The following AZIN2 variants were observed in gnomAD, a reference collection of about 807,000 sequenced individuals.
The protein encoded by AZIN2 is antizyme inhibitor 2, also known as ODC antizyme inhibitor-2.
Under a neutral mutation model 47.8 loss-of-function variants are expected in AZIN2, and 28 were observed. The ratio of observed to expected loss-of-function variants is 0.59; its 90% CI spans 0.43 to 0.80. The LOEUF is 0.80. Among genes scored for constraint, AZIN2 ranks in the 30% least tolerant of loss-of-function variants. The probability of loss-of-function intolerance (pLI) is 0.00; values close to 1 mark genes in which losing one functional copy is unlikely to be tolerated. For synonymous variants in AZIN2, 221 were observed against 239.4 expected (o/e 0.92, Z 0.71); for missense variants, 535 against 582.5 (o/e 0.92, Z 0.84).
At chr1:33,117,818 A>G in intron 10 of AZIN2, 84 bp from the exon 11 acceptor site, 1 of 1,439,570 alleles carries the variant, frequency 6.9e-7, no homozygotes, top group South Asian at 1.1e-5. Flanking sequence ...TGGCTATGGG[A>G]GCCATAGAAG....
chr1:33,112,359 T>C (rs960207505), intron 10 of AZIN2, among the ~76,000 whole-genome samples: 6 of 152,224 alleles, frequency 3.9e-5, no homozygotes, highest in African/African-American at 9.6e-5. Flanking sequence ...ATGACCTTAA[T>C]GTTTATTGGC....
chr1:33,143,695 T>G, the AZIN2 span, among the ~76,000 whole-genome samples: 1 of 152,174 alleles, frequency 6.6e-6, no homozygotes, highest in East Asian at 1.9e-4. Flanking sequence ...ACCTCCCTCA[T>G]TCTGTGGGTG....
At chr1:33,105,106 ATAC>A (rs1309559742) in intron 10 of AZIN2, among the ~76,000 whole-genome samples, 1 of 152,228 alleles carries the variant, frequency 6.6e-6, no homozygotes, top group East Asian at 1.9e-4. Context: ...TTTTGTTAAT[ATAC>A]TTCTAAAATA....
intron 10 of AZIN2, among the ~76,000 whole-genome samples, chr1:33,110,887 G>C (rs573243734): frequency 1.6e-3 from 248 of 152,320 alleles, no homozygotes; most frequent in Non-Finnish European, 2.7e-3. Context: ...GGTAAAATCA[G>C]CTACCACCCC....
rs181937524 is a variant in AZIN2 at position 33,104,603 on chromosome 1, T to G, written c.1029+6424T>G. On this transcript the variant is annotated intron_variant, in intron 10 of 11. Coordinates refer to ENST00000294517, the MANE Select transcript of AZIN2 (RefSeq NM_052998.4). ...TTTATTAGAAAAAATTTAACACAAA[T>G]AGTAAAATAAAATGATTCACTAATC... Among the ~76,000 whole-genome samples, 1,098 of 152,272 alleles carry G rather than the reference T, an allele frequency of 7.2e-3. 6 individuals are homozygous for G. The highest frequency in any genetic ancestry group is 0.034 in the Middle Eastern group (10 of 294).
Position 33,120,246 on chromosome 1 carries a change from G to A in AZIN2, c.*64G>A. The A allele has an allele frequency of 6.5e-7, 1 of 1,540,196 alleles. No homozygotes were observed. Among genetic ancestry groups the A allele is most frequent in the Non-Finnish European group, 8.8e-7 (1 of 1,139,370 alleles). Reference sequence around the variant, plus strand: ...CAGAGATGCATCTGGGAGAGGTGGGGAAGATGGCAGGCAAGGGTACCCTTG... The same window carrying A: ...CAGAGATGCATCTGGGAGAGGTGGGAAAGATGGCAGGCAAGGGTACCCTTG... On this transcript the variant is annotated 3_prime_UTR_variant, in exon 12 of 12. Coordinates refer to ENST00000294517, the MANE Select transcript of AZIN2 (RefSeq NM_052998.4).
chr1:33,159,816 G>C, the AZIN2 span: 18 of 1,613,744 alleles, frequency 1.1e-5, no homozygotes, highest in Non-Finnish European at 1.5e-5. This position sits in a 1 kb window ranked among gnomAD's most constrained non-coding sequence, Gnocchi z 4.2. Flanking sequence ...CTTTCTGCTC[G>C]ATGTCGGTCA....
chr1:33,136,590 G>T, the AZIN2 span, among the ~76,000 whole-genome samples: 678 of 151,526 alleles, frequency 4.5e-3, 6 homozygotes, highest in African/African-American at 0.015. Context: ...GGCTGGTCTT[G>T]AACTCCTGGC....
At chr1:33,114,939 A>G (rs1644471777) in intron 10 of AZIN2, among the ~76,000 whole-genome samples, 2 of 152,066 alleles carry the variant, frequency 1.3e-5, no homozygotes, top group African/African-American at 4.8e-5. Context: ...CACCGCGCCC[A>G]GCCTATTGAT....
intron 10 of AZIN2, among the ~76,000 whole-genome samples, chr1:33,115,002 C>A (rs545578129): frequency 6.6e-6 from 1 of 152,212 alleles, no homozygotes; most frequent in East Asian, 1.9e-4. Context: ...GGCCGTGCAC[C>A]TTTTTCAATG....
chr1:33,111,569 A>G (rs1313538038), intron 10 of AZIN2, among the ~76,000 whole-genome samples: 2 of 152,084 alleles, frequency 1.3e-5, no homozygotes, highest in African/African-American at 4.8e-5. Context: ...AAACACATAT[A>G]TAATTGATAA....
At chr1:33,095,748 A>C (rs1177365837) in intron 8 of AZIN2, among the ~76,000 whole-genome samples, 1 of 152,230 alleles carries the variant, frequency 6.6e-6, no homozygotes, top group African/African-American at 2.4e-5. Context: ...GTTGACAAGA[A>C]GCCTTGCTGA....
At chr1:33,162,047 T>A in the AZIN2 span, among the ~76,000 whole-genome samples, 1 of 152,178 alleles carries the variant, frequency 6.6e-6, no homozygotes, top group South Asian at 2.1e-4. Context: ...AACACATCCC[T>A]CTGGGGTCCC....
chr1:33,135,877 G>A, the AZIN2 span, among the ~76,000 whole-genome samples: 1 of 152,138 alleles, frequency 6.6e-6, no homozygotes, highest in Admixed American at 6.5e-5. Flanking sequence ...TTGGGTAAGC[G>A]ATTGAATGAG....
At chr1:33,145,075 G>C in the AZIN2 span, among the ~76,000 whole-genome samples, 2 of 152,228 alleles carry the variant, frequency 1.3e-5, no homozygotes, top group African/African-American at 4.8e-5. Flanking sequence ...TGGTTCCCGA[G>C]ACCAGGCTCT....
the AZIN2 span, among the ~76,000 whole-genome samples, chr1:33,159,193 C>T: frequency 6.6e-6 from 1 of 151,962 alleles, no homozygotes; most frequent in Admixed American, 6.6e-5. The surrounding 1 kb of genome is among the most constrained non-coding windows in gnomAD (Gnocchi z 4.2). Flanking sequence ...GTGGTAACTA[C>T]TTTCAAAGGG....
the AZIN2 span, among the ~76,000 whole-genome samples, chr1:33,158,840 T>C: frequency 6.6e-6 from 1 of 151,266 alleles, no homozygotes; most frequent in Admixed American, 6.8e-5. Context: ...TTTTTTTCTT[T>C]TTTTTCTTTT....
chr1:33,106,980 T>A (rs1297818247), intron 10 of AZIN2, among the ~76,000 whole-genome samples: 1 of 152,180 alleles, frequency 6.6e-6, no homozygotes, highest in Non-Finnish European at 1.5e-5. Context: ...GCAGATGACA[T>A]TATCTTATAT....
chr1:33,117,894 T>A lies in AZIN2; in HGVS notation c.1030-8T>A. ...GAGAGCTGGCATGGCCATCCCTTCT[T>A]CCTACAGAAACCATCCACGGAGCAG... is the stretch of plus-strand genomic sequence containing the variant. On this transcript the variant is annotated splice_region_variant and splice_polypyrimidine_tract_variant and intron_variant, in intron 10 of 11. Coordinates refer to ENST00000294517, the MANE Select transcript of AZIN2 (RefSeq NM_052998.4). 1 of 1,614,172 alleles carries A rather than the reference T, an allele frequency of 6.2e-7. No individual in the cohort carries two copies. Among genetic ancestry groups the A allele is most frequent in the Non-Finnish European group, 8.5e-7 (1 of 1,180,004 alleles).
Sources: allele counts gnomAD v4.1 joint callset (sites outside exome capture counted in the v4.1 genomes callset), GRCh38; gene constraint gnomAD v4.1.1; non-coding constraint Gnocchi (gnomAD v3.1); transcripts MANE v1.5; gene names NCBI Gene and HGNC (gene_info 2026-07-23, HGNC 2026-07-21).